The following DNAAF5 variants were observed in gnomAD, a reference collection of about 807,000 sequenced individuals.
DNAAF5 encodes the protein dynein axonemal assembly factor 5.
A neutral mutation model predicts 75.8 loss-of-function variants in DNAAF5; 64 were observed. The ratio of observed to expected loss-of-function variants is 0.84; its 90% CI spans 0.69 to 1.04. The LOEUF (loss-of-function observed/expected upper bound fraction) is 1.04, where lower values mean the gene tolerates loss of function less well. Ranked by LOEUF, DNAAF5 falls within the 50% of genes least tolerant of loss-of-function variation. DNAAF5 has a pLI of 0.00. For missense variants in DNAAF5, 1,269 were observed against 1,178.5 expected (o/e 1.08, Z -1.12); for synonymous variants, 657 against 557.2 (o/e 1.18, Z -2.52).
At chr7:744,887 G>A (rs999185404) in intron 4 of DNAAF5, among the ~76,000 whole-genome samples, 1 of 152,148 alleles carries the variant, frequency 6.6e-6, no homozygotes, top group Non-Finnish European at 1.5e-5. Flanking sequence ...ACAGAGGTGA[G>A]CCACCACGCC....
chr7:775,135 C>T lies in DNAAF5; in HGVS notation c.2212C>T (p.Pro738Ser). 1.9e-6 allele frequency: 3 copies of T among 1,614,116 alleles called. No individual in the cohort carries two copies. The highest frequency in any genetic ancestry group is 2.5e-6 in the Non-Finnish European group (3 of 1,180,008). ...FLKTSGGMTDPEKLIRIYPEL... is the reference protein window; with the variant it reads ...FLKTSGGMTDSEKLIRIYPEL... Reference sequence around the variant, plus strand: ...AAAAACCTCGGGCGGCATGACGGATCCAGAGAAACTCATCAGGATTTATCC... The same window carrying T: ...AAAAACCTCGGGCGGCATGACGGATTCAGAGAAACTCATCAGGATTTATCC... Residue 738 changes from proline to serine, a missense_variant, in exon 11 of 13, where the codon CCA becomes TCA. Transcript: ENST00000297440.
At chr7:743,456 G>A (rs1010600530) in intron 4 of DNAAF5, among the ~76,000 whole-genome samples, 7 of 152,036 alleles carry the variant, frequency 4.6e-5, no homozygotes, top group African/African-American at 1.2e-4. Context: ...CTACAGAGCC[G>A]TGGCTCCTCC....
intron 12 of DNAAF5, among the ~76,000 whole-genome samples, chr7:784,863 C>G (rs1779099141): frequency 6.6e-6 from 1 of 152,218 alleles, no homozygotes; most frequent in South Asian, 2.1e-4. Flanking sequence ...GGTCTGCCCA[C>G]AACTGCCAGG....
chr7:764,332 C>A (rs191734428), intron 8 of DNAAF5, among the ~76,000 whole-genome samples: 4 of 152,332 alleles, frequency 2.6e-5, no homozygotes, highest in South Asian at 2.1e-4. Context: ...GACATGGGGG[C>A]CTTAGCCCCA....
chr7:781,317 A>AC (rs1249572751), intron 12 of DNAAF5, among the ~76,000 whole-genome samples: 1 of 151,432 alleles, frequency 6.6e-6, no homozygotes, highest in Non-Finnish European at 1.5e-5. Context: ...TAACATAGCG[A>AC]CCTCCACTTC....
At chr7:732,565 A>T (rs1044108603) in intron 2 of DNAAF5, 2 of 455,988 alleles carry the variant, frequency 4.4e-6, no homozygotes, top group African/African-American at 4.0e-5. Context: ...GAGACTGGGG[A>T]TGCATGGACA....
chr7:745,439 C>T (rs960625101), intron 4 of DNAAF5, among the ~76,000 whole-genome samples: 16 of 152,026 alleles, frequency 1.1e-4, no homozygotes, highest in Non-Finnish European at 1.6e-4. Flanking sequence ...CACACACACA[C>T]ACATATTCAC....
intron 4 of DNAAF5, among the ~76,000 whole-genome samples, chr7:751,415 A>G (rs1782288442): frequency 6.6e-6 from 1 of 150,580 alleles, no homozygotes; most frequent in South Asian, 2.1e-4. Flanking sequence ...CAGGAGGGTT[A>G]CTTAAGCCCA....
chr7:751,197 T>G (rs548993645), intron 4 of DNAAF5, among the ~76,000 whole-genome samples: 1 of 152,176 alleles, frequency 6.6e-6, no homozygotes, highest in East Asian at 1.9e-4. Context: ...TTTTTTGTTT[T>G]TTACAAAATG....
chr7:783,028 T>C (rs1282964456), intron 12 of DNAAF5, among the ~76,000 whole-genome samples: 1 of 152,238 alleles, frequency 6.6e-6, no homozygotes, highest in Non-Finnish European at 1.5e-5. Flanking sequence ...GTCCGGCTTG[T>C]GGTGGCAGGG....
rs533727415 is a variant in DNAAF5 at position 770,182 on chromosome 7, C to T, written c.1784-289C>T. On this transcript the variant is annotated intron_variant, in intron 8 of 12. Transcript: ENST00000297440. ...GACCAGGCTGGTCTCAAACTCTGGA[C>T]CTCAGGTGATCCTCCCTCCTTGGCC... Among the ~76,000 whole-genome samples the T allele has an allele frequency of 2.0e-4, 30 of 152,240 alleles. 1 individual carries two copies. In the South Asian group the frequency reaches 3.3e-3, roughly 17 times the overall value.
chr7:774,985 G>A (rs540080854), intron 10 of DNAAF5, 21 bp from the exon 11 acceptor site: 2 of 1,613,428 alleles, frequency 1.2e-6, no homozygotes, highest in South Asian at 2.2e-5. Context: ...GAGTCACGTC[G>A]TATGTGTTTG....
At chr7:747,642 C>A in intron 4 of DNAAF5, among the ~76,000 whole-genome samples, 2 of 134,680 alleles carry the variant, frequency 1.5e-5, no homozygotes, top group Admixed American at 7.6e-5. Flanking sequence ...CAGTGGTGGC[C>A]CACAGTGTTG....
chr7:768,289 G>A (rs112417345), intron 8 of DNAAF5, among the ~76,000 whole-genome samples: 82 of 149,486 alleles, frequency 5.5e-4, no homozygotes, highest in African/African-American at 1.9e-3. Context: ...GAGACACGTG[G>A]TCTGGGCGGA....
intron 4 of DNAAF5, 44 bp downstream of exon 4, chr7:741,509 G>A (rs757011819): frequency 1.2e-5 from 15 of 1,232,088 alleles, no homozygotes; most frequent in Non-Finnish European, 1.6e-5. Flanking sequence ...GCGAGCCCTT[G>A]TTGGGTGGGA....
In DNAAF5 at chr7:741,475, C is replaced by T. The variant is rs375071932; in HGVS notation, c.1024+10C>T. 325 of 1,492,950 alleles carry T rather than the reference C, an allele frequency of 2.2e-4. No individual in the cohort carries two copies. Among genetic ancestry groups the T allele is most frequent in the Non-Finnish European group, 2.6e-4 (285 of 1,089,230 alleles). The allele number at this position is 1,492,950 out of a possible 1,614,324, so 92.5% of individuals were successfully genotyped here. A position where few individuals can be genotyped will look rare whatever the true frequency, so the allele number is the denominator to read the frequency against. The stretch of plus-strand genomic sequence containing the variant: ...CATTACCCTCCACATGGTGAGTGAC[C>T]GCGGCAGAGGGGAGCGCCAGGAGGC... On this transcript the variant is annotated intron_variant, in intron 4 of 12. Coordinates refer to ENST00000297440, the MANE Select transcript of DNAAF5 (RefSeq NM_017802.4).
chr7:771,577 G>T (rs893216016), intron 9 of DNAAF5: 1 of 152,282 alleles, frequency 6.6e-6, no homozygotes, highest in Non-Finnish European at 1.5e-5. Flanking sequence ...CCCGCCTGTC[G>T]TACTGCAGGA....
At chr7:750,574 G>C (rs1015857654) in intron 4 of DNAAF5, among the ~76,000 whole-genome samples, 5 of 152,134 alleles carry the variant, frequency 3.3e-5, no homozygotes, top group African/African-American at 1.2e-4. Context: ...CAGTTCACAG[G>C]AGGGTTTGCC....
chr7:741,768 C>T (rs1781919055), intron 4 of DNAAF5, among the ~76,000 whole-genome samples: 1 of 152,188 alleles, frequency 6.6e-6, no homozygotes, highest in Non-Finnish European at 1.5e-5. Flanking sequence ...GGTGTCCGCC[C>T]CCCTCCGTTG....
Sources: allele counts gnomAD v4.1 joint callset (sites outside exome capture counted in the v4.1 genomes callset), GRCh38; gene constraint gnomAD v4.1.1; transcripts MANE v1.5; gene names NCBI Gene and HGNC (gene_info 2026-07-23, HGNC 2026-07-21).